Variants in CBX3 observed in about 807,000 individuals in gnomAD.
CBX3 encodes the protein chromobox 3.
Under a neutral mutation model 22.6 loss-of-function variants are expected in CBX3, and 5 were observed. The observed-to-expected ratio is 0.22, with a 90% CI of 0.12 to 0.47. The LOEUF (loss-of-function observed/expected upper bound fraction) is 0.47, where lower values mean the gene tolerates loss of function less well. CBX3 is among the 20% of genes least tolerant of loss of function. The pLI is 0.99. For missense variants in CBX3, 83 were observed against 208.1 expected (o/e 0.40, Z 3.70); for synonymous variants, 50 against 66.6 (o/e 0.75, Z 1.21).
intron 2 of CBX3, among the ~76,000 whole-genome samples, chr7:26,204,003 G>C (rs1420023153): frequency 6.6e-6 from 1 of 152,100 alleles, no homozygotes; most frequent in Non-Finnish European, 1.5e-5. Context: ...ATCACAGGTT[G>C]GCCACTTTAA....
chr7:26,206,108 A>G (rs28587971), intron 2 of CBX3: 183 of 337,590 alleles, frequency 5.4e-4, no homozygotes, highest in African/African-American at 3.8e-3. Flanking sequence ...AAAAGACTGG[A>G]AAAAAATAAC....
chr7:26,209,164 C>T (rs1232425644), intron 4 of CBX3, among the ~76,000 whole-genome samples: 1 of 152,218 alleles, frequency 6.6e-6, no homozygotes, highest in African/African-American at 2.4e-5. Flanking sequence ...GCCTCGGCCT[C>T]CCAGAGTGCT....
At position 26,213,443 on chromosome 7, in the gene CBX3, AGAT is replaced by A. The variant is rs1187332841; in HGVS notation, c.*1239_*1241del. ...ATTGGATTATCTTTGTTTATAAGTTAGATGATACCAGTAAGGCATTACAGTACA... is the reference window on the plus strand; with the variant it reads ...ATTGGATTATCTTTGTTTATAAGTTAGATACCAGTAAGGCATTACAGTACA... On this transcript the variant is annotated 3_prime_UTR_variant, in exon 6 of 6. Transcript: ENST00000396386. 9 of 152,334 alleles carry A rather than the reference AGAT, an allele frequency of 5.9e-5. No homozygotes were observed. The highest frequency in any genetic ancestry group is 2.2e-4 in the African/African-American group (9 of 41,464). The allele number at this position is 152,334 out of a possible 1,614,324, so 9.4% of individuals were successfully genotyped here. A position where few individuals can be genotyped will look rare whatever the true frequency, so the allele number is the denominator to read the frequency against.
intron 1 of CBX3, chr7:26,202,732 C>T (rs1042310560): frequency 3.7e-5 from 18 of 480,764 alleles, no homozygotes; most frequent in Middle Eastern, 5.1e-4. Flanking sequence ...TATTTTAAGC[C>T]ATGTGAAGCT....
chr7:26,209,174 T>C (rs1295931023), intron 4 of CBX3, among the ~76,000 whole-genome samples: 1 of 152,156 alleles, frequency 6.6e-6, no homozygotes, highest in Non-Finnish European at 1.5e-5. Context: ...CCCAGAGTGC[T>C]GGGATTACAG....
At chr7:26,206,302 G>A in intron 2 of CBX3, 66 bp from the exon 3 acceptor site, 1 of 1,059,248 alleles carries the variant, frequency 9.4e-7, no homozygotes, top group South Asian at 1.5e-5. Context: ...ATAAGCAATT[G>A]AGCCTTGAAA....
chr7:26,202,903 C>A, intron 1 of CBX3, 68 bp from the exon 2 acceptor site: 1 of 984,092 alleles, frequency 1.0e-6, no homozygotes, highest in Non-Finnish European at 1.6e-6. Flanking sequence ...GGAATCCAAA[C>A]AGAATTTGTA....
At chr7:26,204,130 G>A (rs953124261) in intron 2 of CBX3, among the ~76,000 whole-genome samples, 1 of 152,036 alleles carries the variant, frequency 6.6e-6, no homozygotes, top group Non-Finnish European at 1.5e-5. Flanking sequence ...AAAAAGTGCT[G>A]GGTTAAGGCA....
chr7:26,206,313 A>G (rs1433273758), intron 2 of CBX3, 55 bp from the exon 3 acceptor site: 9 of 1,243,304 alleles, frequency 7.2e-6, no homozygotes, highest in Non-Finnish European at 1.0e-5. Flanking sequence ...AGCCTTGAAA[A>G]TGTGCTCAAA....
rs1784833264 is a variant in CBX3, at chr7:26,212,613, T to C, written c.*405T>C. On this transcript the variant is annotated 3_prime_UTR_variant, in exon 6 of 6. Transcript: ENST00000396386. ...GTGTGTGTGTGTGTGTGTGTGTGTGTATCCATAAAATGCATATGTAAATTT... is the reference window on the plus strand; with the variant it reads ...GTGTGTGTGTGTGTGTGTGTGTGTGCATCCATAAAATGCATATGTAAATTT... 1 of 151,284 alleles carries C rather than the reference T, an allele frequency of 6.6e-6. No homozygotes were observed. Among genetic ancestry groups the C allele is most frequent in the South Asian group, 2.1e-4 (1 of 4,806 alleles). The allele number at this position is 151,284 out of a possible 1,614,324, so 9.4% of individuals were successfully genotyped here.
intron 1 of CBX3, 59 bp from the exon 2 acceptor site, chr7:26,202,912 T>C: frequency 1.9e-6 from 2 of 1,052,126 alleles, no homozygotes; most frequent in African/African-American, 1.6e-5. Flanking sequence ...ACAGAATTTG[T>C]ATTTAGTTAC....
In CBX3 at chr7:26,212,401, A is replaced by G. The variant is rs1784823300; in HGVS notation, c.*193A>G. 4.2e-6 allele frequency: 1 copy of G among 240,602 alleles called. No homozygotes were observed. The allele number at this position is 240,602 out of a possible 1,614,324, so 14.9% of individuals were successfully genotyped here. ...AGCACTGGTTACTTTGAACAAATAA[A>G]TAAAAGCTTTCTGTAGTTGCTTCCT... On this transcript the variant is annotated 3_prime_UTR_variant, in exon 6 of 6. Coordinates refer to ENST00000396386, the MANE Select transcript of CBX3 (RefSeq NM_016587.4).
intron 1 of CBX3, chr7:26,202,125 G>T (rs892641143): frequency 6.6e-6 from 1 of 151,956 alleles, no homozygotes; most frequent in Non-Finnish European, 1.5e-5. Context: ...CCGCGTTCCG[G>T]CGGAGGCGCC....
At chr7:26,202,876 C>A in intron 1 of CBX3, 95 bp from the exon 2 acceptor site, 1 of 747,414 alleles carries the variant, frequency 1.3e-6, no homozygotes, top group Non-Finnish European at 2.4e-6. Context: ...GAAATGTGCG[C>A]TCTCTACTTG....
chr7:26,209,014 C>A (rs1407410049), intron 4 of CBX3, among the ~76,000 whole-genome samples: 1 of 134,846 alleles, frequency 7.4e-6, no homozygotes, highest in African/African-American at 2.8e-5. Flanking sequence ...TTTCGGCTCA[C>A]TGCAACCTCC....
chr7:26,211,986 T>A, intron 5 of CBX3, 96 bp from the exon 6 acceptor site: 1 of 1,158,822 alleles, frequency 8.6e-7, no homozygotes, highest in Non-Finnish European at 1.2e-6. Flanking sequence ...AGCACTTCAA[T>A]ACCTTTTGTT....
At position 26,206,084 on chromosome 7, in the gene CBX3, C is replaced by T. The variant is rs149908387; in HGVS notation, c.25-284C>T. The T allele has an allele frequency of 2.4e-5, 7 of 293,818 alleles. 1 individual carries two copies. The East Asian group carries it at 6.3e-4, about 26-fold the overall frequency. 18.2% of individuals were successfully genotyped at this position (293,818 alleles called of 1,614,324 possible). ...CAGCCTGGGCGACAAGAGTGTGAGA[C>T]CCTGTCTCAAAAAAAAAGACTGGAA... On this transcript the variant is annotated intron_variant, in intron 2 of 5. Coordinates refer to ENST00000396386, the MANE Select transcript of CBX3 (RefSeq NM_016587.4).
chr7:26,211,010 G>T (rs1189047614), intron 4 of CBX3, among the ~76,000 whole-genome samples: 5 of 151,178 alleles, frequency 3.3e-5, no homozygotes, highest in Non-Finnish European at 7.4e-5. Context: ...GGCAGCCCTG[G>T]GCCACATTAG....
At chr7:26,203,923 CAG>C (rs1375138773) in intron 2 of CBX3, among the ~76,000 whole-genome samples, 2 of 152,154 alleles carry the variant, frequency 1.3e-5, no homozygotes, top group Admixed American at 6.5e-5. Flanking sequence ...CCCTGGAAAA[CAG>C]AAGTTGTTTT....
Sources: allele counts gnomAD v4.1 joint callset (sites outside exome capture counted in the v4.1 genomes callset), GRCh38; gene constraint gnomAD v4.1.1; transcripts MANE v1.5; gene names NCBI Gene and HGNC (gene_info 2026-07-23, HGNC 2026-07-21).